The following NAT2 variants were observed in gnomAD, a reference collection of about 807,000 sequenced individuals.
NAT2 encodes N-acetyltransferase 2, also known as arylamine N-acetyltransferase 2.
For missense variants in NAT2, 428 were observed against 339.1 expected (o/e 1.26, Z -2.06); for synonymous variants, 137 against 125.9 (o/e 1.09, Z -0.59).
At chr8:18,391,942 C>A (rs929615727) in intron 1 of NAT2, among the ~76,000 whole-genome samples, 21 of 152,230 alleles carry the variant, frequency 1.4e-4, no homozygotes, top group African/African-American at 4.6e-4. Context: ...ATTGTACTGA[C>A]CGCAAGTCTT....
upstream of NAT2, among the ~76,000 whole-genome samples, chr8:18,388,246 A>T (rs1344963099): frequency 6.6e-6 from 1 of 152,198 alleles, no homozygotes; most frequent in African/African-American, 2.4e-5. Context: ...TGCTAAAAAT[A>T]CTGGCTTCAT....
chr8:18,391,215 C>G (rs1388902361), upstream of NAT2: 3 of 152,168 alleles, frequency 2.0e-5, no homozygotes, highest in African/African-American at 7.2e-5. Flanking sequence ...CCTAACTAGA[C>G]TCTGGTGTCA....
At chr8:18,390,115 T>A (rs1392152624), upstream of NAT2, among the ~76,000 whole-genome samples, 1 of 152,190 alleles carries the variant, frequency 6.6e-6, no homozygotes, top group African/African-American at 2.4e-5. Context: ...CCAGTTCCCA[T>A]CATGTGGGCT....
In NAT2 at chr8:18,400,118, A is replaced by C; in HGVS notation, c.115A>C (p.Asn39His). 6.2e-7 allele frequency: 1 copy of C among 1,614,028 alleles called. No individual in the cohort carries two copies. Among genetic ancestry groups the C allele is most frequent in the South Asian group, 1.1e-5 (1 of 91,074 alleles). The change falls in exon 2 of 2, where the codon AAC (asparagine) becomes CAC (histidine). Residue 39 changes from asparagine to histidine, a missense_variant. Coordinates refer to ENST00000286479, the MANE Select transcript of NAT2 (RefSeq NM_000015.3). ...EHQIRAVPFE[N>H]LNMHCGQAME... ...CCAGATCCGGGCTGTTCCCTTTGAG[A>C]ACCTTAACATGCATTGTGGGCAAGC...
At chr8:18,388,674 A>G (rs182112545), upstream of NAT2, among the ~76,000 whole-genome samples, 2 of 152,338 alleles carry the variant, frequency 1.3e-5, no homozygotes, top group East Asian at 3.9e-4. Flanking sequence ...GAGTTAGCAC[A>G]TGTGAGAATC....
chr8:18,394,628 G>T (rs1201183576), intron 1 of NAT2, among the ~76,000 whole-genome samples: 4 of 132,984 alleles, frequency 3.0e-5, no homozygotes, highest in Non-Finnish European at 5.3e-5. Context: ...GGGCCTGTCA[G>T]AATGTGACCT....
chr8:18,395,918 G>C (rs552508164), intron 1 of NAT2, among the ~76,000 whole-genome samples: 1 of 149,122 alleles, frequency 6.7e-6, no homozygotes, highest in Non-Finnish European at 1.5e-5. Context: ...ACAGCATGAG[G>C]CCAACTAAAT....
intron 1 of NAT2, 91 bp from the exon 2 acceptor site, chr8:18,399,907 T>C (rs1800757456): frequency 8.9e-6 from 12 of 1,353,916 alleles, no homozygotes; most frequent in Non-Finnish European, 1.1e-5. Context: ...TGTTTTTACG[T>C]ATTTAAAATA....
chr8:18,389,912 G>A (rs191951125), upstream of NAT2, among the ~76,000 whole-genome samples: 7 of 152,278 alleles, frequency 4.6e-5, no homozygotes, highest in Non-Finnish European at 8.8e-5. Context: ...TTTAGGAGAT[G>A]ATTTAAGGAA....
upstream of NAT2, among the ~76,000 whole-genome samples, chr8:18,390,235 T>G (rs767004569): frequency 6.6e-6 from 1 of 152,238 alleles, no homozygotes; most frequent in Non-Finnish European, 1.5e-5. Context: ...CAGAGGTATG[T>G]ACTGGAACAG....
chr8:18,392,527 G>A (rs939244667), intron 1 of NAT2, among the ~76,000 whole-genome samples: 1 of 152,176 alleles, frequency 6.6e-6, no homozygotes, highest in African/African-American at 2.4e-5. Flanking sequence ...CTTTCATTCT[G>A]GCTGTGCTGG....
At chr8:18,390,414 G>A (rs889178305), upstream of NAT2, among the ~76,000 whole-genome samples, 10 of 152,160 alleles carry the variant, frequency 6.6e-5, no homozygotes, top group Non-Finnish European at 1.3e-4. Context: ...AAAAAAGCTA[G>A]AAGGAAGGAT....
At chr8:18,398,057 A>T (rs1340475198) in intron 1 of NAT2, among the ~76,000 whole-genome samples, 4 of 152,250 alleles carry the variant, frequency 2.6e-5, no homozygotes, top group Admixed American at 6.5e-5. Context: ...AAGATAGATC[A>T]GTTGAAGAGA....
intron 1 of NAT2, among the ~76,000 whole-genome samples, chr8:18,399,515 TAATC>T (rs1369285072): frequency 6.6e-6 from 1 of 152,238 alleles, no homozygotes; most frequent in Non-Finnish European, 1.5e-5. Flanking sequence ...ATGAATGAAT[TAATC>T]AATATATTTT....
chr8:18,386,490 G>A (rs937770208), upstream of NAT2, among the ~76,000 whole-genome samples: 1 of 152,188 alleles, frequency 6.6e-6, no homozygotes, highest in Non-Finnish European at 1.5e-5. Flanking sequence ...GAAGCCAAGA[G>A]AGCAGAGAAG....
upstream of NAT2, among the ~76,000 whole-genome samples, chr8:18,389,241 A>G (rs990910078): frequency 5.9e-5 from 9 of 152,178 alleles, no homozygotes; most frequent in African/African-American, 2.2e-4. Flanking sequence ...TCCATTGACA[A>G]TTCCTCTCCC....
At chr8:18,394,397 T>G (rs556150212) in intron 1 of NAT2, among the ~76,000 whole-genome samples, 2 of 152,310 alleles carry the variant, frequency 1.3e-5, no homozygotes, top group Non-Finnish European at 2.9e-5. Context: ...GTTACTATAC[T>G]TGGTCTGATT....
upstream of NAT2, among the ~76,000 whole-genome samples, chr8:18,388,991 G>A (rs1305470486): frequency 6.6e-6 from 1 of 152,126 alleles, no homozygotes; most frequent in Non-Finnish European, 1.5e-5. Context: ...CACACTCCCA[G>A]CCTCAGGTGT....
upstream of NAT2, among the ~76,000 whole-genome samples, chr8:18,389,547 A>G (rs1800560590): frequency 2.0e-5 from 3 of 152,370 alleles, 1 homozygote; most frequent in African/African-American, 2.4e-5. Context: ...CATCTTAGAT[A>G]CACAAAACTG....
Sources: gnomAD v4.1 joint callset for allele counts (sites outside exome capture counted in the v4.1 genomes callset) on GRCh38, gnomAD v4.1.1 for gene constraint, MANE v1.5 for transcripts, NCBI Gene and HGNC (gene_info 2026-07-23, HGNC 2026-07-21) for gene names.